Variants in LRP1B observed in about 807,000 individuals in gnomAD.
LRP1B encodes low-density lipoprotein receptor-related protein 1B.
In LRP1B, 217 loss-of-function variants were observed where a neutral mutation model predicts 556.6. That is an observed-to-expected ratio of 0.39 (90% CI 0.35 to 0.44). The LOEUF is 0.44. Ranked by LOEUF, LRP1B falls within the 20% of genes least tolerant of loss-of-function variation. LRP1B has a pLI of 1.00. For synonymous variants in LRP1B, 2,047 were observed against 1,865.8 expected, an observed-to-expected ratio of 1.10 and a Z score of -2.50; for missense variants, 5,053 against 5,620.8, an observed-to-expected ratio of 0.90 and a Z score of 3.23.
chr2:140,857,372 T>C (rs1692651117), intron 27 of LRP1B, among the ~76,000 whole-genome samples: 1 of 152,156 alleles, frequency 6.6e-6, no homozygotes, highest in South Asian at 2.1e-4. Context: ...AAATAATGTT[T>C]ATTAGTAATT....
chr2:140,640,418 T>C lies in LRP1B; in HGVS notation c.6800-38779A>G, dbSNP rs1330693310. ...TTTTTTTTTTTTTTTTTTTTTGAGA[T>C]GGCGTCTCGCTCTGTCGCCCAGGCT... is the stretch of plus-strand genomic sequence containing the variant. On this transcript the variant is annotated intron_variant, in intron 41 of 90. Coordinates refer to ENST00000389484, the MANE Select transcript of LRP1B (RefSeq NM_018557.3). 6.1e-5 allele frequency among the ~76,000 whole-genome samples: 4 copies of C among 65,648 alleles called. 1 individual carries two copies. The highest frequency in any genetic ancestry group is 6.0e-5 in the Non-Finnish European group (2 of 33,394). The allele number at this position is 65,648 out of a possible 152,430, so 43.1% of individuals were successfully genotyped here.
At chr2:141,406,955 T>C (rs919058857) in intron 3 of LRP1B, among the ~76,000 whole-genome samples, 1 of 152,144 alleles carries the variant, frequency 6.6e-6, no homozygotes, top group African/African-American at 2.4e-5. Flanking sequence ...AATCAAGTCA[T>C]GACTAGATAA....
intron 1 of LRP1B, among the ~76,000 whole-genome samples, chr2:141,992,072 T>C (rs1702359834): frequency 6.6e-6 from 1 of 152,162 alleles, no homozygotes; most frequent in Non-Finnish European, 1.5e-5. Flanking sequence ...CATCCCTCTA[T>C]ATACTTTAAT....
At chr2:140,953,366 G>T (rs1056155185) in intron 18 of LRP1B, among the ~76,000 whole-genome samples, 7 of 152,168 alleles carry the variant, frequency 4.6e-5, no homozygotes, top group African/African-American at 1.7e-4. Context: ...TGGGATTACA[G>T]GCGTGAGCCA....
intron 1 of LRP1B, among the ~76,000 whole-genome samples, chr2:142,028,526 A>G (rs76437517): frequency 0.02 from 3,007 of 152,072 alleles, 101 homozygotes; most frequent in African/African-American, 0.068. Context: ...TTTGCTGAGT[A>G]ATATTCCAAA....
intron 79 of LRP1B, among the ~76,000 whole-genome samples, chr2:140,332,559 G>A (rs1173237582): frequency 6.6e-6 from 1 of 151,960 alleles, no homozygotes; most frequent in Admixed American, 6.6e-5. Flanking sequence ...CCAGATAATT[G>A]TGCTTAACTG....
intron 84 of LRP1B, among the ~76,000 whole-genome samples, chr2:140,291,599 T>C (rs1683392793): frequency 6.6e-6 from 1 of 151,854 alleles, no homozygotes; most frequent in Non-Finnish European, 1.5e-5. Context: ...CTGAGAATGA[T>C]GGTTTCCAGC....
At chr2:140,278,036 AACAC>A (rs34699867) in intron 84 of LRP1B, among the ~76,000 whole-genome samples, 2,776 of 150,408 alleles carry the variant, frequency 0.018, 78 homozygotes, top group African/African-American at 0.062. Flanking sequence ...CACATATACA[AACAC>A]ACACACACAC....
intron 2 of LRP1B, among the ~76,000 whole-genome samples, chr2:141,588,203 G>T (rs558067153): frequency 6.6e-6 from 1 of 151,502 alleles, no homozygotes; most frequent in South Asian, 2.1e-4. Context: ...GAACAAAGTT[G>T]TTAAAATTTG....
chr2:141,120,106 G>A (rs1701009011), intron 7 of LRP1B, among the ~76,000 whole-genome samples: 1 of 151,820 alleles, frequency 6.6e-6, no homozygotes, highest in South Asian at 2.1e-4. Context: ...GAGGTTCTAG[G>A]AGGAAGAGCA....
chr2:141,401,138 C>T (rs1477864136), intron 3 of LRP1B, among the ~76,000 whole-genome samples: 1 of 152,146 alleles, frequency 6.6e-6, no homozygotes. Context: ...AAAATATTCC[C>T]TTACTGACAT....
chr2:141,755,447 T>A (rs1321559269), intron 2 of LRP1B, among the ~76,000 whole-genome samples: 1 of 151,970 alleles, frequency 6.6e-6, no homozygotes, highest in East Asian at 1.9e-4. Context: ...GGCAAATTAA[T>A]ACAACCATAT....
chr2:140,364,229 T>C (rs1682649002), intron 72 of LRP1B, among the ~76,000 whole-genome samples: 1 of 151,620 alleles, frequency 6.6e-6, no homozygotes, highest in Non-Finnish European at 1.5e-5. Flanking sequence ...GATTGATAGA[T>C]ACAGAGATAT....
intron 7 of LRP1B, among the ~76,000 whole-genome samples, chr2:141,136,020 G>T (rs1701483388): frequency 1.3e-5 from 2 of 151,900 alleles, no homozygotes; most frequent in African/African-American, 4.8e-5. Flanking sequence ...ATGGAGAGTG[G>T]ACTATATTAA....
chr2:141,434,779 T>C (rs1332627390), intron 3 of LRP1B, among the ~76,000 whole-genome samples: 1 of 152,174 alleles, frequency 6.6e-6, no homozygotes, highest in African/African-American at 2.4e-5. Context: ...TTAATCAGTT[T>C]GTTTGTTTAG....
At chr2:141,941,093 T>C (rs1351337250) in intron 1 of LRP1B, among the ~76,000 whole-genome samples, 1 of 152,178 alleles carries the variant, frequency 6.6e-6, no homozygotes, top group African/African-American at 2.4e-5. Flanking sequence ...TAAAAACAGA[T>C]AAGACCAATG....
intron 3 of LRP1B, among the ~76,000 whole-genome samples, chr2:141,323,758 C>T (rs756007206): frequency 6.6e-6 from 1 of 151,984 alleles, no homozygotes; most frequent in Non-Finnish European, 1.5e-5. Context: ...GTTTTCTGGT[C>T]CAGTGGAGCA....
intron 1 of LRP1B, among the ~76,000 whole-genome samples, chr2:142,125,474 C>G (rs1224356069): frequency 6.6e-6 from 1 of 151,774 alleles, no homozygotes; most frequent in African/African-American, 2.4e-5. Flanking sequence ...GCCAGTGGAA[C>G]TCACATATGG....
chr2:141,631,854 T>C (rs1688922679), intron 2 of LRP1B, among the ~76,000 whole-genome samples: 1 of 152,196 alleles, frequency 6.6e-6, no homozygotes, highest in South Asian at 2.1e-4. Flanking sequence ...TTTTAACATT[T>C]AGAAAGGCTA....
Sources: gnomAD v4.1 joint callset for allele counts (sites outside exome capture counted in the v4.1 genomes callset) on GRCh38, gnomAD v4.1.1 for gene constraint, MANE v1.5 for transcripts, NCBI Gene and HGNC (gene_info 2026-07-23, HGNC 2026-07-21) for gene names.